PCDHA7: variants seen among roughly 807,000 people sequenced by gnomAD.
The protein encoded by PCDHA7 is protocadherin alpha-7.
A neutral mutation model predicts 57.2 loss-of-function variants in PCDHA7; 37 were observed. The observed-to-expected ratio is 0.65, with a 90% CI of 0.50 to 0.85. The LOEUF is 0.85. Among genes scored for constraint, PCDHA7 ranks in the 40% least tolerant of loss-of-function variants. The pLI is 0.00. For synonymous variants in PCDHA7, 553 were observed against 558.8 expected, an observed-to-expected ratio of 0.99 and a Z score of 0.15; for missense variants, 1,188 against 1,241.8, an observed-to-expected ratio of 0.96 and a Z score of 0.65.
intron 3 of PCDHA7, among the ~76,000 whole-genome samples, chr5:140,993,099 C>T (rs1253807421): frequency 6.6e-6 from 1 of 152,206 alleles, no homozygotes; most frequent in Non-Finnish European, 1.5e-5. Context: ...TATGTTTATT[C>T]AGCGGTCAGT....
intron 1 of PCDHA7, chr5:140,871,619 A>C: frequency 7.1e-7 from 1 of 1,415,536 alleles, no homozygotes; most frequent in Non-Finnish European, 9.4e-7. Context: ...ATTGTTTTAG[A>C]TAACAATGTC....
intron 1 of PCDHA7, chr5:140,884,494 C>A: frequency 6.2e-7 from 1 of 1,614,068 alleles, no homozygotes; most frequent in Non-Finnish European, 8.5e-7. Context: ...TAGTGTGCTC[C>A]AGCGCGGCAG....
At chr5:140,923,714 A>G (rs1396629400) in intron 1 of PCDHA7, among the ~76,000 whole-genome samples, 7 of 152,250 alleles carry the variant, frequency 4.6e-5, no homozygotes, top group African/African-American at 1.4e-4. Context: ...TACTTGAATA[A>G]GAATGCAATG....
intron 1 of PCDHA7, among the ~76,000 whole-genome samples, chr5:140,911,635 G>A (rs906127782): frequency 2.0e-5 from 3 of 152,148 alleles, no homozygotes; most frequent in African/African-American, 7.2e-5. Flanking sequence ...ATGGTCAAAG[G>A]TATTACATAT....
At chr5:140,884,622 G>A (rs781857198) in intron 1 of PCDHA7, 1 of 1,613,948 alleles carries the variant, frequency 6.2e-7, no homozygotes, top group Non-Finnish European at 8.5e-7. Context: ...TCTGCAGAGG[G>A]AACAGGCCAG....
At chr5:140,850,483 C>A in intron 1 of PCDHA7, 2 of 1,598,100 alleles carry the variant, frequency 1.3e-6, no homozygotes, top group East Asian at 4.5e-5. Flanking sequence ...ACGGCCACGG[C>A]CACTGTGCTG....
intron 1 of PCDHA7, chr5:140,968,827 C>T (rs1398985109): frequency 1.2e-6 from 2 of 1,614,094 alleles, no homozygotes; most frequent in Non-Finnish European, 1.7e-6. Context: ...TTTCCAAAAT[C>T]CTCCCTGACA....
intron 2 of PCDHA7, among the ~76,000 whole-genome samples, chr5:140,979,661 GTCTC>G (rs2096859733): frequency 6.6e-6 from 1 of 152,146 alleles, no homozygotes; most frequent in South Asian, 2.1e-4. Context: ...TCTCTACTTT[GTCTC>G]TCTGACAGTA....
chr5:140,871,292 C>A (rs2052919411), intron 1 of PCDHA7: 2 of 1,613,772 alleles, frequency 1.2e-6, no homozygotes, highest in Non-Finnish European at 8.5e-7. Flanking sequence ...ACTGAGGGCG[C>A]GTGCGCGCCG....
chr5:140,846,373 CTT>C (rs374699051), intron 1 of PCDHA7, among the ~76,000 whole-genome samples: 1,689 of 55,008 alleles, frequency 0.031, 26 homozygotes, highest in African/African-American at 0.077. Context: ...TTCTTTCTTT[CTT>C]TTTTTTTTTT....
intron 1 of PCDHA7, among the ~76,000 whole-genome samples, chr5:140,971,002 C>A (rs2096450018): frequency 6.6e-6 from 1 of 152,136 alleles, no homozygotes; most frequent in Non-Finnish European, 1.5e-5. Context: ...CAAAGAGTTT[C>A]CAGAAGTCTT....
intron 1 of PCDHA7, among the ~76,000 whole-genome samples, chr5:140,872,205 A>AT (rs1554166067): frequency 6.6e-6 from 1 of 151,936 alleles, no homozygotes; most frequent in Non-Finnish European, 1.5e-5. Context: ...TCATAAATTC[A>AT]TTATATATGA....
At chr5:140,882,677 A>C (rs782476966) in intron 1 of PCDHA7, 1 of 1,614,214 alleles carries the variant, frequency 6.2e-7, no homozygotes. Context: ...CCCTGAAAGC[A>C]AGAAACGAAT....
chr5:140,858,120 T>A, intron 1 of PCDHA7: 1 of 1,597,738 alleles, frequency 6.3e-7, no homozygotes, highest in Non-Finnish European at 8.6e-7. Context: ...GAGGTGGCCC[T>A]GGTGGATGTC....
chr5:140,836,307 G>T lies in PCDHA7; in HGVS notation c.1924G>T (p.Ala642Ser). The change falls in exon 1 of 4, where the codon GCA becomes TCA. Residue 642 changes from alanine to serine, a missense_variant. Transcript: ENST00000525929. ...GACACGAGCCCTAGATGAGACGGAC[G>T]CACCGCGCCACCGCCTTCTGGTGCT... The part of the protein sequence containing the change: ...STTRALDETD[A>S]PRHRLLVLVK... 6.2e-7 allele frequency: 1 copy of T among 1,613,740 alleles called. No individual in the cohort carries two copies. Among genetic ancestry groups the T allele is most frequent in the Non-Finnish European group, 8.5e-7 (1 of 1,179,816 alleles).
Position 140,880,405 on chromosome 5 carries a change from G to T in PCDHA7, c.2355+43667G>T, listed in dbSNP as rs183953148. Among the ~76,000 whole-genome samples, 426 of 152,300 alleles carry T rather than the reference G, an allele frequency of 2.8e-3. 2 individuals carry two copies. The highest frequency in any genetic ancestry group is 0.014 in the Middle Eastern group (4 of 294). On this transcript the variant is annotated intron_variant, in intron 1 of 3. Coordinates refer to ENST00000525929, the MANE Select transcript of PCDHA7 (RefSeq NM_018910.3). ...AAATAATTTTTAAGAGCATATGGTTGACCTTAAAAGCGGGAACAGTTTTTC... is the reference window on the plus strand; with the variant it reads ...AAATAATTTTTAAGAGCATATGGTTTACCTTAAAAGCGGGAACAGTTTTTC...
At chr5:140,962,169 C>T (rs2095662298) in intron 1 of PCDHA7, among the ~76,000 whole-genome samples, 1 of 152,152 alleles carries the variant, frequency 6.6e-6, no homozygotes, top group Non-Finnish European at 1.5e-5. Flanking sequence ...GCCACCACAC[C>T]CGGCCACTTA....
chr5:140,862,882 G>T (rs782187514), intron 1 of PCDHA7: 2 of 564,526 alleles, frequency 3.5e-6, no homozygotes, highest in Non-Finnish European at 6.8e-6. Flanking sequence ...TATTAGTGCT[G>T]GAACGACAAC....
intron 3 of PCDHA7, among the ~76,000 whole-genome samples, chr5:140,997,260 T>G (rs1364203100): frequency 6.6e-6 from 1 of 152,196 alleles, no homozygotes; most frequent in Admixed American, 6.5e-5. Flanking sequence ...GGTTCACTCT[T>G]CCAAATATTT....
Sources: allele counts gnomAD v4.1 joint callset (sites outside exome capture counted in the v4.1 genomes callset), GRCh38; gene constraint gnomAD v4.1.1; transcripts MANE v1.5; gene names NCBI Gene and HGNC (gene_info 2026-07-23, HGNC 2026-07-21).